Variants in UNC5C observed in about 807,000 individuals in gnomAD.
UNC5C encodes the protein unc-5 netrin receptor C.
In UNC5C, 47 loss-of-function variants were observed where a neutral mutation model predicts 99.8. The ratio of observed to expected loss-of-function variants is 0.47; its 90% CI spans 0.37 to 0.60. The LOEUF (loss-of-function observed/expected upper bound fraction) is 0.60. UNC5C is among the 20% of genes least tolerant of loss of function. UNC5C has a pLI of 0.00. For missense variants in UNC5C, 1,062 were observed against 1,165.9 expected, an observed-to-expected ratio of 0.91 and a Z score of 1.30; for synonymous variants, 487 against 452.2, an observed-to-expected ratio of 1.08 and a Z score of -0.98.
At position 95,220,175 on chromosome 4, in the gene UNC5C, A is replaced by T; in HGVS notation, c.1110T>A (p.Thr370=). 6.2e-7 allele frequency: 1 copy of T among 1,612,340 alleles called. No homozygotes were observed. The highest frequency in any genetic ancestry group is 8.5e-7 in the Non-Finnish European group (1 of 1,179,014). The change falls in exon 8 of 16, where the codon ACT becomes ACA. Residue 370 remains threonine, a splice_region_variant and synonymous_variant. Transcript: ENST00000453304. ...GAGCAACATCATCTGAATCAGGAGC[A>T]GCTAGAGAGGAGAGTGAAACATTGA... ...KNCTDGLCMQ[T]APDSDDVALY... is the part of the protein sequence containing the mutation.
At chr4:95,489,771 T>G (rs72876453) in intron 1 of UNC5C, among the ~76,000 whole-genome samples, 3,419 of 151,458 alleles carry the variant, frequency 0.023, 134 homozygotes, top group African/African-American at 0.077. Flanking sequence ...GAGGAGGAAT[T>G]TTGGGGTAAC....
At chr4:95,382,718 G>C (rs1745106485) in intron 1 of UNC5C, among the ~76,000 whole-genome samples, 1 of 152,084 alleles carries the variant, frequency 6.6e-6, no homozygotes, top group African/African-American at 2.4e-5. Context: ...TTTGGCAATG[G>C]GATAAATAGC....
At chr4:95,216,005 A>ATG in intron 10 of UNC5C, 119 bp downstream of exon 10, 1 of 697,550 alleles carries the variant, frequency 1.4e-6, no homozygotes, top group East Asian at 2.9e-5. Flanking sequence ...GGGAAAAAGA[A>ATG]TGTATGCCAG....
At chr4:95,182,284 C>T (rs7677356) in intron 14 of UNC5C, among the ~76,000 whole-genome samples, 151,912 of 152,318 alleles carry the variant, frequency 1, 75,754 homozygotes, top group Middle Eastern at 1. Flanking sequence ...GGGGGAAATA[C>T]GGAGATTCTA....
intron 1 of UNC5C, among the ~76,000 whole-genome samples, chr4:95,458,915 C>A (rs568348756): frequency 6.6e-6 from 1 of 151,926 alleles, no homozygotes; most frequent in African/African-American, 2.4e-5. Context: ...AGCCTTATCC[C>A]TTAACATATA....
intron 2 of UNC5C, among the ~76,000 whole-genome samples, chr4:95,327,776 T>A (rs1742945147): frequency 6.6e-6 from 1 of 151,970 alleles, no homozygotes; most frequent in Admixed American, 6.6e-5. Context: ...TCCCATACCA[T>A]CCTCCTTCCA....
At chr4:95,548,140 ATTCGGGTGAGCTGTGTAT>A (rs1723124038) in intron 1 of UNC5C, among the ~76,000 whole-genome samples, 1 of 151,578 alleles carries the variant, frequency 6.6e-6, no homozygotes, top group Admixed American at 6.6e-5. Context: ...GGGTACGCGG[ATTCGGGTGAGCTGTGTAT>A]TTCCACAGCA....
intron 1 of UNC5C, among the ~76,000 whole-genome samples, chr4:95,356,987 A>G (rs900338818): frequency 2.6e-5 from 4 of 152,142 alleles, no homozygotes; most frequent in Non-Finnish European, 4.4e-5. Context: ...GCCAGTATCA[A>G]AATTTCATGG....
intron 1 of UNC5C, among the ~76,000 whole-genome samples, chr4:95,442,181 C>G (rs1419300013): frequency 6.6e-6 from 1 of 151,920 alleles, no homozygotes; most frequent in African/African-American, 2.4e-5. Context: ...TTGAAGGACC[C>G]TACTGTTTTT....
At chr4:95,495,802 T>G (rs1721614694) in intron 1 of UNC5C, among the ~76,000 whole-genome samples, 1 of 151,658 alleles carries the variant, frequency 6.6e-6, no homozygotes, top group Non-Finnish European at 1.5e-5. Flanking sequence ...TGGAAAACTC[T>G]GTCGACTACA....
At chr4:95,495,355 C>T (rs1721603709) in intron 1 of UNC5C, among the ~76,000 whole-genome samples, 1 of 151,348 alleles carries the variant, frequency 6.6e-6, no homozygotes, top group Admixed American at 6.6e-5. Context: ...TAAAAGCTGC[C>T]CCTGAAATTG....
chr4:95,421,143 C>T (rs1166973466), intron 1 of UNC5C, among the ~76,000 whole-genome samples: 1 of 152,172 alleles, frequency 6.6e-6, no homozygotes, highest in African/African-American at 2.4e-5. Context: ...TCTATCCAAA[C>T]AAATTATACT....
intron 1 of UNC5C, among the ~76,000 whole-genome samples, chr4:95,362,521 C>T (rs1418159332): frequency 3.3e-5 from 5 of 152,136 alleles, no homozygotes; most frequent in African/African-American, 1.2e-4. Context: ...ATGGATTTGA[C>T]TGTGATGGAG....
chr4:95,420,342 A>G (rs1480494897), intron 1 of UNC5C, among the ~76,000 whole-genome samples: 2 of 152,170 alleles, frequency 1.3e-5, no homozygotes, highest in African/African-American at 4.8e-5. Context: ...TTCATTGAGA[A>G]TGCTAGACAT....
At chr4:95,470,227 C>T (rs535789902) in intron 1 of UNC5C, among the ~76,000 whole-genome samples, 9 of 152,132 alleles carry the variant, frequency 5.9e-5, no homozygotes, top group South Asian at 2.1e-4. Context: ...CTAGGCTACT[C>T]GAGTTCACCT....
intron 1 of UNC5C, among the ~76,000 whole-genome samples, chr4:95,507,102 G>A (rs1721942997): frequency 6.6e-6 from 1 of 151,938 alleles, no homozygotes. Flanking sequence ...TGATAAATGT[G>A]TTGCATTCTT....
At chr4:95,427,416 T>C (rs1746514938) in intron 1 of UNC5C, among the ~76,000 whole-genome samples, 1 of 152,188 alleles carries the variant, frequency 6.6e-6, no homozygotes. Context: ...TTGTATGCTA[T>C]AGAGATATCG....
chr4:95,292,868 G>C lies in UNC5C; in HGVS notation c.490+8738C>G, dbSNP rs574926085. Reference sequence around the variant, plus strand: ...TTATCAGCAGCCACAGGCAAGGGACGTCTTCTAGGCACTGGAGACAACAAG... The same window carrying C: ...TTATCAGCAGCCACAGGCAAGGGACCTCTTCTAGGCACTGGAGACAACAAG... On this transcript the variant is annotated intron_variant, in intron 3 of 15. Transcript: ENST00000453304. 5.3e-5 allele frequency among the ~76,000 whole-genome samples: 8 copies of C among 152,162 alleles called. No individual in the cohort carries two copies. In the South Asian group the frequency reaches 1.7e-3, roughly 32 times the overall value.
intron 3 of UNC5C, among the ~76,000 whole-genome samples, chr4:95,292,523 G>GA (rs914711241): frequency 7.2e-5 from 11 of 151,942 alleles, no homozygotes; most frequent in African/African-American, 2.4e-4. Flanking sequence ...ATTAATCAGT[G>GA]AAAAAACCAA....
Sources: allele counts gnomAD v4.1 joint callset (sites outside exome capture counted in the v4.1 genomes callset), GRCh38; gene constraint gnomAD v4.1.1; transcripts MANE v1.5; gene names NCBI Gene and HGNC (gene_info 2026-07-23, HGNC 2026-07-21).